The following USP48 variants were observed in gnomAD, a reference collection of about 807,000 sequenced individuals.
USP48 encodes the protein ubiquitin carboxyl-terminal hydrolase 48.
USP48 carries 43 observed loss-of-function variants against 150.7 expected under a neutral mutation model. The observed-to-expected ratio is 0.29, with a 90% CI of 0.22 to 0.37. USP48 has a LOEUF of 0.37. Ranked by LOEUF, USP48 falls within the 10% of genes least tolerant of loss-of-function variation. The probability of loss-of-function intolerance (pLI) is 1.00; values close to 1 mark genes in which losing one functional copy is unlikely to be tolerated. For missense variants in USP48, 813 were observed against 1,249.6 expected (o/e 0.65, Z 5.27); for synonymous variants, 396 against 425.9 (o/e 0.93, Z 0.86).
At chr1:21,728,437 T>C (rs1557511452) in intron 11 of USP48, 133 bp downstream of exon 11, 1 of 1,472,000 alleles carries the variant, frequency 6.8e-7, no homozygotes, top group Non-Finnish European at 9.0e-7. Flanking sequence ...CAAAGTACTT[T>C]TAGAGTGTTT....
At position 21,714,307 on chromosome 1, in the gene USP48, G is replaced by A. The variant is rs148282497; in HGVS notation, c.1963+1082C>T. Among the ~76,000 whole-genome samples, 160 of 152,182 alleles carry A rather than the reference G, an allele frequency of 1.1e-3. 1 individual carries two copies. The highest frequency in any genetic ancestry group is 3.7e-3 in the African/African-American group (154 of 41,518). Reference sequence around the variant, plus strand: ...TTTTATTTTAAAGAGATGGGGTATCGCACGGTCGTCCAGGCTGGAGTGCAG... The same window carrying A: ...TTTTATTTTAAAGAGATGGGGTATCACACGGTCGTCCAGGCTGGAGTGCAG... On this transcript the variant is annotated intron_variant, in intron 15 of 26. Transcript: ENST00000308271.
rs754681650 is a variant in USP48 at position 21,729,727 on chromosome 1, G to A, written c.1277C>T (p.Pro426Leu). 114 of 1,613,778 alleles carry A rather than the reference G, an allele frequency of 7.1e-5. No homozygotes were observed. Among genetic ancestry groups the A allele is most frequent in the Non-Finnish European group, 8.9e-5 (105 of 1,179,910 alleles). ...LVYRLQTQEK[P>L]NTTVQVPAFL... ...ACCTGGAACTTGAACAGTAGTGTTG[G>A]GCTTTTCTTGAGTTTGCAGTCTATA... Residue 426 changes from proline (P) to leucine (L), a missense_variant, in exon 10 of 27, where the codon CCC becomes CTC. Coordinates refer to ENST00000308271, the MANE Select transcript of USP48 (RefSeq NM_032236.8).
chr1:21,701,747 G>A (rs1571764888), intron 21 of USP48, 145 bp from the exon 22 acceptor site: 1 of 614,248 alleles, frequency 1.6e-6, no homozygotes, highest in South Asian at 1.9e-5. Context: ...AGTGGATCAA[G>A]AATCAAGCCT....
At chr1:21,777,903 G>A (rs748385099) in intron 1 of USP48, among the ~76,000 whole-genome samples, 4 of 150,792 alleles carry the variant, frequency 2.7e-5, no homozygotes, top group Admixed American at 6.6e-5. Context: ...TGAGGTGGGC[G>A]TATCACAAGG....
intron 1 of USP48, among the ~76,000 whole-genome samples, chr1:21,773,346 G>A (rs1006844154): frequency 5.9e-5 from 9 of 151,418 alleles, no homozygotes; most frequent in Non-Finnish European, 1.3e-4. Context: ...ACAATTCACA[G>A]GAGAAATACA....
chr1:21,772,993 C>G (rs2097886257), intron 1 of USP48, among the ~76,000 whole-genome samples: 1 of 150,424 alleles, frequency 6.6e-6, no homozygotes, highest in African/African-American at 2.4e-5. Flanking sequence ...GGCGTGATGG[C>G]TCACGCCTGT....
Position 21,735,429 on chromosome 1 carries a change from G to A in USP48, c.1171+1017C>T, listed in dbSNP as rs528777850. On this transcript the variant is annotated intron_variant, in intron 9 of 26. Coordinates refer to ENST00000308271, the MANE Select transcript of USP48 (RefSeq NM_032236.8). The stretch of plus-strand genomic sequence containing the variant: ...AGCCTGGGCAACCAGGTAAGACCCC[G>A]TCTCCACAAAAAAATTGTTTTAAAC... Among the ~76,000 whole-genome samples, 8 of 152,196 alleles carry A rather than the reference G, an allele frequency of 5.3e-5. No individual in the cohort carries two copies. In the East Asian group the frequency reaches 9.7e-4, roughly 18 times the overall value.
chr1:21,756,342 G>T (rs1262069497), intron 3 of USP48, among the ~76,000 whole-genome samples: 1 of 151,686 alleles, frequency 6.6e-6, no homozygotes. Context: ...CTAGCCAGGC[G>T]TGGTGGCGGG....
intron 19 of USP48, among the ~76,000 whole-genome samples, chr1:21,705,363 T>C (rs2097669201): frequency 6.6e-6 from 1 of 152,130 alleles, no homozygotes; most frequent in African/African-American, 2.4e-5. Context: ...GCCTCCTCCT[T>C]TAATTGTCTG....
chr1:21,756,304 A>C (rs1023530850), intron 3 of USP48, among the ~76,000 whole-genome samples: 3 of 151,216 alleles, frequency 2.0e-5, no homozygotes, highest in Non-Finnish European at 4.4e-5. Context: ...AACATAGTGA[A>C]ACGCTGTCTC....
chr1:21,683,050 C>A (rs1467430603), intron 25 of USP48, among the ~76,000 whole-genome samples: 6 of 152,096 alleles, frequency 3.9e-5, no homozygotes, highest in Non-Finnish European at 8.8e-5. Context: ...CACCTGACGA[C>A]AGGAATTTGA....
In USP48 at chr1:21,721,783, G is replaced by A. The variant is rs373260455; in HGVS notation, c.1649-19C>T. On this transcript the variant is annotated intron_variant, in intron 12 of 26. Transcript: ENST00000308271. ...GCTTTCACTACAGGCAAGAAAGAAT[G>A]AAAGGAAATATATTTCATTCAAACA... 3.3e-6 allele frequency: 5 copies of A among 1,499,182 alleles called. No homozygotes were observed. In the African/African-American group the frequency reaches 7.0e-5, roughly 21 times the overall value. 92.9% of individuals were successfully genotyped at this position (1,499,182 alleles called of 1,614,324 possible).
chr1:21,695,176 T>C lies in USP48; in HGVS notation c.2773A>G (p.Ile925Val), dbSNP rs760259148. 12 of 1,613,186 alleles carry C rather than the reference T, an allele frequency of 7.4e-6. No homozygotes were observed. In the South Asian group the frequency reaches 9.9e-5, roughly 13 times the overall value. The change falls in exon 23 of 27, where the codon ATA becomes GTA. Residue 925 changes from isoleucine to valine, a missense_variant. Ile to Val is a conservative substitution (Grantham distance 29). Transcript: ENST00000308271. ...KRQKISHQNY[I>V]AYQKQVIRRS... is the part of the protein sequence containing the mutation. ...CGAATAACTTGCTTTTGATAGGCTA[T>C]ATAATTTTGATGGGATATCTTTTGC...
chr1:21,739,799 G>A lies in USP48; in HGVS notation c.992-3174C>T, dbSNP rs753985828. Reference sequence around the variant, plus strand: ...GAACATCACCTCCCCATTCCTCATCGCCTCTGCCATCCACCACCTCCACTC... The same window carrying A: ...GAACATCACCTCCCCATTCCTCATCACCTCTGCCATCCACCACCTCCACTC... On this transcript the variant is annotated intron_variant, in intron 8 of 26. Transcript: ENST00000308271. Among the ~76,000 whole-genome samples, 17 of 152,086 alleles carry A rather than the reference G, an allele frequency of 1.1e-4. 1 individual carries two copies. The highest frequency in any genetic ancestry group is 3.9e-4 in the East Asian group (2 of 5,186).
At chr1:21,730,352 G>T (rs1248184700) in intron 9 of USP48, among the ~76,000 whole-genome samples, 1 of 152,044 alleles carries the variant, frequency 6.6e-6, no homozygotes, top group Non-Finnish European at 1.5e-5. Context: ...TGACACAAGT[G>T]AATCGATTGA....
intron 1 of USP48, among the ~76,000 whole-genome samples, chr1:21,782,455 A>G (rs2097916943): frequency 1.3e-5 from 2 of 152,206 alleles, no homozygotes; most frequent in Admixed American, 1.3e-4. Flanking sequence ...AACACCAACA[A>G]GATACACTGT....
At chr1:21,753,259 T>C (rs1202245323) in intron 3 of USP48, 140 bp from the exon 4 acceptor site, 1 of 969,914 alleles carries the variant, frequency 1.0e-6, no homozygotes, top group South Asian at 1.9e-5. Context: ...TTTAAAACTT[T>C]AAAAGAAATA....
Position 21,709,747 on chromosome 1 carries a change from T to A in USP48, c.1964-2879A>T, listed in dbSNP as rs753386553. Among the ~76,000 whole-genome samples, 99 of 152,126 alleles carry A rather than the reference T, an allele frequency of 6.5e-4. 1 individual carries two copies. Among genetic ancestry groups the A allele is most frequent in the Non-Finnish European group, 1.8e-4 (12 of 68,020 alleles). On this transcript the variant is annotated intron_variant, in intron 15 of 26. Transcript: ENST00000308271. ...ATTCTGATGTGGGGGTACTTTTAGG[T>A]AGTGACTGGCTTTTAAGTGGGATGA...
chr1:21,732,485 C>T (rs2097759364), intron 9 of USP48, among the ~76,000 whole-genome samples: 1 of 152,116 alleles, frequency 6.6e-6, no homozygotes, highest in Admixed American at 6.5e-5. Flanking sequence ...TCATCTATCA[C>T]ATTGAGATAT....
Sources: gnomAD v4.1 joint callset for allele counts (sites outside exome capture counted in the v4.1 genomes callset) on GRCh38, gnomAD v4.1.1 for gene constraint, MANE v1.5 for transcripts, NCBI Gene and HGNC (gene_info 2026-07-23, HGNC 2026-07-21) for gene names.